The following TRDN variants were observed in gnomAD, a reference collection of about 807,000 sequenced individuals.
TRDN encodes the protein triadin.
TRDN carries 161 observed loss-of-function variants against 149.7 expected under a neutral mutation model. The observed-to-expected ratio is 1.08, with a 90% confidence interval of 0.95 to 1.23. The LOEUF is 1.23. TRDN is among the 50% of genes most tolerant of loss of function. The pLI is 0.00. For missense variants in TRDN, 896 were observed against 823.5 expected (o/e 1.09, Z -1.08); for synonymous variants, 294 against 250.5 (o/e 1.17, Z -1.64).
intron 1 of TRDN, among the ~76,000 whole-genome samples, chr6:123,627,426 C>T (rs1207105545): frequency 3.3e-5 from 5 of 152,154 alleles, no homozygotes; most frequent in Admixed American, 6.5e-5. Flanking sequence ...TAGTAAATCT[C>T]AACAGTGGGC....
At chr6:123,601,427 C>A (rs1583308524) in intron 1 of TRDN, among the ~76,000 whole-genome samples, 1 of 152,142 alleles carries the variant, frequency 6.6e-6, no homozygotes, top group African/African-American at 2.4e-5. Context: ...GACAAAGTTG[C>A]AGCCCTTTCT....
chr6:123,222,909 T>C (rs1279607655), intron 39 of TRDN, among the ~76,000 whole-genome samples: 1 of 151,850 alleles, frequency 6.6e-6, no homozygotes, highest in East Asian at 1.9e-4. Context: ...TCAACATCAC[T>C]ACTCATTAGA....
intron 24 of TRDN, among the ~76,000 whole-genome samples, chr6:123,311,966 T>C (rs1456711998): frequency 6.6e-6 from 1 of 151,936 alleles, no homozygotes; most frequent in East Asian, 1.9e-4. Context: ...ATACACACCA[T>C]GCCAGAGGAA....
At chr6:123,469,084 TGA>T (rs934636967) in intron 9 of TRDN, among the ~76,000 whole-genome samples, 1 of 152,198 alleles carries the variant, frequency 6.6e-6, no homozygotes, top group Non-Finnish European at 1.5e-5. Context: ...TGAGAAGATG[TGA>T]GTTTAATAAG....
chr6:123,388,634 T>C lies in TRDN; in HGVS notation c.1106-83A>G, dbSNP rs1049982021. The C allele has an allele frequency of 2.7e-6, 4 of 1,488,570 alleles. No individual in the cohort carries two copies. In the Admixed American group the frequency reaches 7.9e-5, roughly 29 times the overall value. 92.2% of individuals were successfully genotyped at this position (1,488,570 alleles called of 1,614,324 possible). The stretch of plus-strand genomic sequence containing the variant: ...CCAGAATATGAGAATGTATTCCACA[T>C]ATTCATAAATTCAGTGGTCACCTAT... On this transcript the variant is annotated intron_variant, in intron 13 of 40. Coordinates refer to ENST00000334268, the MANE Select transcript of TRDN (RefSeq NM_006073.4).
At chr6:123,320,732 T>C (rs1377746561) in intron 23 of TRDN, among the ~76,000 whole-genome samples, 7 of 152,130 alleles carry the variant, frequency 4.6e-5, no homozygotes, top group African/African-American at 7.2e-5. Context: ...TTCTTATAAG[T>C]GGTCTGTCTA....
chr6:123,279,281 C>T (rs1254052425), intron 24 of TRDN, among the ~76,000 whole-genome samples, 199 bp from the exon 25 acceptor site: 1 of 152,082 alleles, frequency 6.6e-6, no homozygotes, highest in Non-Finnish European at 1.5e-5. Context: ...TTTTCTGTAA[C>T]TGTCAGATAG....
chr6:123,499,313 A>G (rs1221365114), intron 8 of TRDN, among the ~76,000 whole-genome samples: 1 of 152,138 alleles, frequency 6.6e-6, no homozygotes, highest in Non-Finnish European at 1.5e-5. Flanking sequence ...TTCACGCTTC[A>G]GAGAGTCTTC....
At chr6:123,506,161 C>T (rs1778912760) in intron 7 of TRDN, among the ~76,000 whole-genome samples, 1 of 152,128 alleles carries the variant, frequency 6.6e-6, no homozygotes, top group South Asian at 2.1e-4. Flanking sequence ...CAATCTCATG[C>T]AACTCATTCA....
At chr6:123,296,685 C>G (rs907730075) in intron 24 of TRDN, among the ~76,000 whole-genome samples, 1 of 151,824 alleles carries the variant, frequency 6.6e-6, no homozygotes, top group Non-Finnish European at 1.5e-5. Context: ...AAGGCAGTCT[C>G]ATTTATCAAA....
chr6:123,296,992 GT>G, intron 24 of TRDN, among the ~76,000 whole-genome samples: 1 of 152,048 alleles, frequency 6.6e-6, no homozygotes, highest in East Asian at 1.9e-4. Context: ...TATTTATGGT[GT>G]TTTTTATTTT....
At chr6:123,440,767 T>C (rs576633568) in intron 10 of TRDN, among the ~76,000 whole-genome samples, 2 of 152,348 alleles carry the variant, frequency 1.3e-5, no homozygotes, top group South Asian at 2.1e-4. Flanking sequence ...AGAAAGTAGA[T>C]ATTTGAACCC....
intron 1 of TRDN, among the ~76,000 whole-genome samples, chr6:123,600,641 T>C (rs1204014232): frequency 1.3e-5 from 2 of 152,056 alleles, no homozygotes; most frequent in Non-Finnish European, 2.9e-5. Context: ...TTTGTTCTGG[T>C]AGAGACACAC....
intron 1 of TRDN, among the ~76,000 whole-genome samples, chr6:123,585,489 A>T (rs1783423167): frequency 6.6e-6 from 1 of 152,062 alleles, no homozygotes; most frequent in Non-Finnish European, 1.5e-5. Context: ...TCACTGTTAG[A>T]GTTACCCGAA....
intron 38 of TRDN, among the ~76,000 whole-genome samples, chr6:123,245,212 A>C (rs543607766): frequency 6.6e-6 from 1 of 152,360 alleles, no homozygotes; most frequent in East Asian, 1.9e-4. Flanking sequence ...GCCAGCTGGC[A>C]TCATAATGAC....
At chr6:123,222,423 A>G (rs953171002) in intron 39 of TRDN, among the ~76,000 whole-genome samples, 16 of 151,740 alleles carry the variant, frequency 1.1e-4, no homozygotes, top group Non-Finnish European at 1.9e-4. Context: ...CTGTATAAAC[A>G]TTAAAGTTTT....
At position 123,352,560 on chromosome 6, in the gene TRDN, T is replaced by G; in HGVS notation, c.1348A>C (p.Thr450Pro). Residue 450 changes from threonine to proline, a missense_variant, in exon 21 of 41, where the codon ACA becomes CCA. By Grantham distance (38) the Thr-to-Pro change is conservative (BLOSUM62 -1). Coordinates refer to ENST00000334268, the MANE Select transcript of TRDN (RefSeq NM_006073.4). ...TTACCTTGCTCCACTGTCTTGGTTG[T>G]TTTCTCTTCCTTCTTTCCAGGTACA... ...KAVPGKKEEK[T>P]TKTVEQEIRK... The G allele has an allele frequency of 6.2e-7, 1 of 1,611,820 alleles. No individual in the cohort carries two copies. Among genetic ancestry groups the G allele is most frequent in the African/African-American group, 1.3e-5 (1 of 74,916 alleles).
chr6:123,463,286 G>A (rs1258382250), intron 10 of TRDN, among the ~76,000 whole-genome samples: 1 of 151,242 alleles, frequency 6.6e-6, no homozygotes, highest in African/African-American at 2.4e-5. Context: ...GCAGTGAGCC[G>A]AGATGGTGCC....
chr6:123,402,462 A>C (rs1199511520), intron 12 of TRDN, among the ~76,000 whole-genome samples: 2 of 152,334 alleles, frequency 1.3e-5, no homozygotes, highest in East Asian at 3.9e-4. Context: ...TTTTTTGCTC[A>C]AGTAAATTGT....
Sources: gnomAD v4.1 joint callset for allele counts (sites outside exome capture counted in the v4.1 genomes callset) on GRCh38, gnomAD v4.1.1 for gene constraint, MANE v1.5 for transcripts, NCBI Gene and HGNC (gene_info 2026-07-23, HGNC 2026-07-21) for gene names.